Variants in ZBTB11 observed in about 807,000 individuals in gnomAD.
ZBTB11 encodes zinc finger and BTB domain-containing protein 11.
In ZBTB11, 68 loss-of-function variants were observed where a neutral mutation model predicts 113.1. The observed-to-expected ratio is 0.60, with a 90% CI of 0.49 to 0.74. The LOEUF is 0.74. Among genes scored for constraint, ZBTB11 ranks in the 30% least tolerant of loss-of-function variants. ZBTB11 has a pLI of 0.00. For missense variants in ZBTB11, 1,104 were observed against 1,279.4 expected, an observed-to-expected ratio of 0.86 and a Z score of 2.09; for synonymous variants, 518 against 452.6, an observed-to-expected ratio of 1.14 and a Z score of -1.83.
chr3:101,676,236 C>A (rs900483270), intron 1 of ZBTB11, among the ~76,000 whole-genome samples: 10 of 152,004 alleles, frequency 6.6e-5, no homozygotes, highest in Admixed American at 1.3e-4. Context: ...GTGCACCCCG[C>A]AGCCTCCACT....
chr3:101,662,601 G>A (rs746252316), intron 5 of ZBTB11, among the ~76,000 whole-genome samples: 11 of 152,000 alleles, frequency 7.2e-5, no homozygotes, highest in East Asian at 1.9e-4. Flanking sequence ...ACACAACTCC[G>A]TCTCCAGAAA....
rs143848370 is a variant in ZBTB11 at position 101,649,088 on chromosome 3, C to T, written c.*2078G>A. 2.0e-5 allele frequency: 3 copies of T among 152,352 alleles called. No individual in the cohort carries two copies. Among genetic ancestry groups the T allele is most frequent in the Non-Finnish European group, 2.9e-5 (2 of 68,084 alleles). The allele number at this position is 152,352 out of a possible 1,614,324, so 9.4% of individuals were successfully genotyped here. ...TGCTCCTCTCTTCTCTCCTCTGCCG[C>T]AACACTCTTCTGCTCATGGAGCCTG... On this transcript the variant is annotated 3_prime_UTR_variant, in exon 11 of 11. Transcript: ENST00000312938.
At position 101,652,873 on chromosome 3, in the gene ZBTB11, T is replaced by C. The variant is rs1387435334; in HGVS notation, c.2375A>G (p.Lys792Arg). 6.2e-7 allele frequency: 1 copy of C among 1,614,116 alleles called. No individual in the cohort carries two copies. Among genetic ancestry groups the C allele is most frequent in the African/African-American group, 1.3e-5 (1 of 75,046 alleles). ...RQHMNKHLGVKPFQCQFCDKC... is the reference protein window; with the variant it reads ...RQHMNKHLGVRPFQCQFCDKC... ...ATCACAAAATTGGCACTGGAATGGC[T>C]TCACACCAAGATGTTTGTTCATGTG... is the stretch of plus-strand genomic sequence containing the variant. Residue 792 changes from lysine (K) to arginine (R), a missense_variant, in exon 9 of 11, where the codon AAG becomes AGG. Transcript: ENST00000312938.
intron 8 of ZBTB11, among the ~76,000 whole-genome samples, chr3:101,654,043 CT>C (rs112555052): frequency 1.7e-3 from 249 of 144,526 alleles, no homozygotes; most frequent in East Asian, 4.4e-3. Context: ...CCTAAAATGA[CT>C]TTTTTTTTTT....
chr3:101,649,393 A>ACAAGCT lies in ZBTB11; in HGVS notation c.*1772_*1773insAGCTTG. ...AATTAACTTAATAACACATCAAGTA[A>ACAAGCT]CAACTGATTTATGAACTGAAAATAG... is the stretch of plus-strand genomic sequence containing the variant. On this transcript the variant is annotated 3_prime_UTR_variant, in exon 11 of 11. Transcript: ENST00000312938. 1 of 152,354 alleles carries ACAAGCT rather than the reference A, an allele frequency of 6.6e-6. No individual in the cohort carries two copies. The highest frequency in any genetic ancestry group is 1.5e-5 in the Non-Finnish European group (1 of 68,032). 9.4% of individuals were successfully genotyped at this position (152,354 alleles called of 1,614,324 possible).
chr3:101,669,746 T>C (rs535071020), intron 3 of ZBTB11, among the ~76,000 whole-genome samples: 1 of 152,250 alleles, frequency 6.6e-6, no homozygotes, highest in South Asian at 2.1e-4. Flanking sequence ...TTTGCTCATA[T>C]GTACACCCCC....
chr3:101,669,906 G>A (rs952112312), intron 3 of ZBTB11, among the ~76,000 whole-genome samples: 4 of 150,632 alleles, frequency 2.7e-5, no homozygotes, highest in African/African-American at 4.9e-5. Context: ...TCAGCTCACC[G>A]CAACGTCCAC....
Position 101,664,558 on chromosome 3 carries a change from C to A in ZBTB11, c.1780G>T (p.Ala594Ser). 6.2e-7 allele frequency: 1 copy of A among 1,605,714 alleles called. No individual in the cohort carries two copies. The highest frequency in any genetic ancestry group is 8.5e-7 in the Non-Finnish European group (1 of 1,177,936). Residue 594 changes from alanine to serine, a missense_variant, in exon 5 of 11, where the codon GCT becomes TCT. By Grantham distance (99) the Ala-to-Ser change is moderately conservative. Coordinates refer to ENST00000312938, the MANE Select transcript of ZBTB11 (RefSeq NM_014415.4). ...LIMHKLKHER[A>S]RDYKCPLCKK... ...CTTACTGGACATTTGTAATCTCTAG[C>A]TCTTTCATGTTTCAGTTTGTGCATT...
chr3:101,659,433 CG>C (rs1559983555), intron 6 of ZBTB11, among the ~76,000 whole-genome samples: 1 of 152,152 alleles, frequency 6.6e-6, no homozygotes, highest in African/African-American at 2.4e-5. Context: ...AGGACTTTTA[CG>C]GACCACAGAG....
intron 3 of ZBTB11, among the ~76,000 whole-genome samples, chr3:101,670,237 T>C (rs998162572): frequency 6.6e-6 from 1 of 152,204 alleles, no homozygotes; most frequent in African/African-American, 2.4e-5. Flanking sequence ...GGTTAAATAA[T>C]TAAGAATTTA....
At position 101,665,660 on chromosome 3, in the gene ZBTB11, C is replaced by T; in HGVS notation, c.927G>A (p.Lys309=). 1 of 1,614,180 alleles carries T rather than the reference C, an allele frequency of 6.2e-7. No homozygotes were observed. The highest frequency in any genetic ancestry group is 8.5e-7 in the Non-Finnish European group (1 of 1,180,024). Residue 309 remains lysine (K), a synonymous_variant, in exon 4 of 11, where the codon AAG becomes AAA. Coordinates refer to ENST00000312938, the MANE Select transcript of ZBTB11 (RefSeq NM_014415.4). ...CTGTTAGCTGCTTCTCTTCCATTAG[C>T]TTATGTACACTTTCACAAATCTCTA... is the stretch of plus-strand genomic sequence containing the variant. ...EVLEICESVH[K]LMEEKQLTVY... is the part of the protein sequence containing the mutation.
rs111604563 is a variant in ZBTB11, at chr3:101,665,150, T to C, written c.1437A>G (p.Gln479=). 163 of 1,614,198 alleles carry C rather than the reference T, an allele frequency of 1.0e-4. 1 individual carries two copies. The African/African-American group carries it at 1.3e-3, about 13-fold the overall frequency. Residue 479 remains glutamine, a synonymous_variant, in exon 4 of 11, where the codon CAA becomes CAG. Coordinates refer to ENST00000312938, the MANE Select transcript of ZBTB11 (RefSeq NM_014415.4). ...DIPKHRQKVD[Q]PLKDQENLVA... ...CTAGATTTTCCTGATCTTTTAAAGG[T>C]TGGTCAACTTTCTGCCTATGTTTTG...
Position 101,677,067 on chromosome 3 carries a change from A to C in ZBTB11, c.-153T>G. ...TTCGACGGCTCCCTTAGTCCGAAGG[A>C]AAAGCGGGCGAGTTGGTAACCAGGG... On this transcript the variant is annotated 5_prime_UTR_variant, in exon 1 of 11. Coordinates refer to ENST00000312938, the MANE Select transcript of ZBTB11 (RefSeq NM_014415.4). 1.2e-6 allele frequency: 1 copy of C among 850,652 alleles called. No homozygotes were observed. Among genetic ancestry groups the C allele is most frequent in the South Asian group, 2.0e-5 (1 of 50,168 alleles). 52.7% of individuals were successfully genotyped at this position (850,652 alleles called of 1,614,324 possible).
chr3:101,658,476 C>T (rs1428638625), intron 6 of ZBTB11, among the ~76,000 whole-genome samples: 1 of 152,068 alleles, frequency 6.6e-6, no homozygotes, highest in Non-Finnish European at 1.5e-5. Flanking sequence ...CCTGCCTCGG[C>T]CTCCCAAAGT....
At chr3:101,660,170 G>A in intron 5 of ZBTB11, 142 bp from the exon 6 acceptor site, 3 of 827,420 alleles carry the variant, frequency 3.6e-6, no homozygotes, top group Non-Finnish European at 3.7e-6. Flanking sequence ...GTACTAGATT[G>A]TAAAGATAAA....
chr3:101,655,822 G>A (rs537278642), intron 7 of ZBTB11: 33 of 158,076 alleles, frequency 2.1e-4, no homozygotes, highest in Non-Finnish European at 2.9e-4. Flanking sequence ...CACCATGCCC[G>A]GCTAATGTTT....
intron 8 of ZBTB11, among the ~76,000 whole-genome samples, chr3:101,653,898 T>C (rs1936748275): frequency 6.6e-6 from 1 of 152,180 alleles, no homozygotes; most frequent in African/African-American, 2.4e-5. Flanking sequence ...TTCCTGGCTT[T>C]TGTTTCCTAA....
In ZBTB11 at chr3:101,651,683, C is replaced by A. The variant is rs866179118; in HGVS notation, c.2645G>T (p.Gly882Val). 4 of 1,408,166 alleles carry A rather than the reference C, an allele frequency of 2.8e-6. No individual in the cohort carries two copies. Among genetic ancestry groups the A allele is most frequent in the Middle Eastern group, 1.9e-4 (1 of 5,336 alleles). 87.2% of individuals were successfully genotyped at this position (1,408,166 alleles called of 1,614,324 possible). The change falls in exon 11 of 11, where the codon GGA (glycine) becomes GTA (valine). Residue 882 changes from glycine (G) to valine (V), a missense_variant and splice_region_variant. Coordinates refer to ENST00000312938, the MANE Select transcript of ZBTB11 (RefSeq NM_014415.4). ...EYRRHMNNHE[G>V]VKPFECLTCG... ...TGTTAAGCACTCAAATGGCTTAACT[C>A]CTAAAAAAAAAAAAAAAAAAGCATG...
chr3:101,651,735 T>C (rs903860691), intron 10 of ZBTB11, 52 bp from the exon 11 acceptor site: 1 of 1,476,750 alleles, frequency 6.8e-7, no homozygotes, highest in East Asian at 2.3e-5. Context: ...CACCAAAATA[T>C]ACTTAAACTG....
Sources: gnomAD v4.1 joint callset for allele counts (sites outside exome capture counted in the v4.1 genomes callset) on GRCh38, gnomAD v4.1.1 for gene constraint, MANE v1.5 for transcripts, NCBI Gene and HGNC (gene_info 2026-07-23, HGNC 2026-07-21) for gene names.